RAB21: variants seen among roughly 807,000 people sequenced by gnomAD.
RAB21 encodes the protein RAB21, member RAS oncogene family.
RAB21 carries 13 observed loss-of-function variants against 33.1 expected under a neutral mutation model. The observed-to-expected ratio is 0.39, with a 90% CI of 0.26 to 0.62. The LOEUF (loss-of-function observed/expected upper bound fraction) is 0.62, where lower values mean the gene tolerates loss of function less well. Among genes scored for constraint, RAB21 ranks in the 20% least tolerant of loss-of-function variants. The pLI is 0.48. For synonymous variants in RAB21, 91 were observed against 103.7 expected (o/e 0.88, Z 0.74); for missense variants, 234 against 279.1 (o/e 0.84, Z 1.15).
Position 71,755,216 on chromosome 12 carries a change from C to A in RAB21, c.87C>A (p.Cys29Ter). 6.5e-7 allele frequency: 1 copy of A among 1,541,506 alleles called. No individual in the cohort carries two copies. The highest frequency in any genetic ancestry group is 8.7e-7 in the Non-Finnish European group (1 of 1,148,498). The change falls in exon 1 of 7, where the codon TGC (cysteine) becomes TGA (stop). Residue 29 changes from cysteine to a stop codon, truncating the protein, a stop_gained. Transcript: ENST00000261263. LOFTEE classifies it high-confidence loss of function. The part of the protein sequence containing the change: ...SFKVVLLGEG[C>*]VGKTSLVLRY... ...AGGTGGTGCTGCTGGGGGAAGGCTGCGTGGGGAAGACGTCGCTGGTGCTGC... is the reference window on the plus strand; with the variant it reads ...AGGTGGTGCTGCTGGGGGAAGGCTGAGTGGGGAAGACGTCGCTGGTGCTGC...
At chr12:71,771,632 C>T (rs1055982341) in intron 3 of RAB21, among the ~76,000 whole-genome samples, 5 of 152,114 alleles carry the variant, frequency 3.3e-5, no homozygotes, top group Admixed American at 6.5e-5. Context: ...TGTTTGTTAT[C>T]TCCCTCTCGC....
chr12:71,781,934 C>A, intron 4 of RAB21, 97 bp from the exon 5 acceptor site: 1 of 848,398 alleles, frequency 1.2e-6, no homozygotes, highest in Non-Finnish European at 1.9e-6. Context: ...ATTATTTTTG[C>A]TGGTAATTAA....
intron 6 of RAB21, among the ~76,000 whole-genome samples, chr12:71,784,891 A>G (rs1883260186): frequency 6.6e-6 from 1 of 151,902 alleles, no homozygotes; most frequent in South Asian, 2.1e-4. Flanking sequence ...CAGGAGTTTG[A>G]GACCAGCCTG....
At chr12:71,777,842 G>A (rs1331894035) in intron 4 of RAB21, among the ~76,000 whole-genome samples, 1 of 152,054 alleles carries the variant, frequency 6.6e-6, no homozygotes, top group Non-Finnish European at 1.5e-5. Flanking sequence ...TCCAAATGTT[G>A]TTGAGCTAGT....
rs994028000 is a variant in RAB21, at chr12:71,776,127, A to T, written c.391+2105A>T. Among the ~76,000 whole-genome samples, 16 of 152,194 alleles carry T rather than the reference A, an allele frequency of 1.1e-4. No homozygotes were observed. In the East Asian group the frequency reaches 3.1e-3, roughly 29 times the overall value. ...GGAGTGGAAGTGGCCACAGTAGATG[A>T]ATGACTGAAGATTTAATATTTTGGG... On this transcript the variant is annotated intron_variant, in intron 4 of 6. Transcript: ENST00000261263.
At chr12:71,776,162 A>G (rs1173350223) in intron 4 of RAB21, among the ~76,000 whole-genome samples, 1 of 152,222 alleles carries the variant, frequency 6.6e-6, no homozygotes, top group Non-Finnish European at 1.5e-5. Flanking sequence ...GATTCTGATC[A>G]TCTTTCTGAA....
Position 71,797,638 on chromosome 12 carries a change from A to AT in RAB21, c.*11965_*11966insT, listed in dbSNP as rs1164101998. ...GTTTCTTTGAGGAAAAAAAAAAAAA[A>AT]AAGCAAGACTAGCCAGGAAAACTGA... On this transcript the variant is annotated 3_prime_UTR_variant, in exon 7 of 7. Transcript: ENST00000261263. 7.9e-5 allele frequency: 12 copies of AT among 151,600 alleles called. No homozygotes were observed. Among genetic ancestry groups the AT allele is most frequent in the Non-Finnish European group, 1.3e-4 (9 of 67,882 alleles). The allele number at this position is 151,600 out of a possible 1,614,324, so 9.4% of individuals were successfully genotyped here. A position where few individuals can be genotyped will look rare whatever the true frequency, so the allele number is the denominator to read the frequency against.
chr12:71,765,300 G>C (rs747696743), intron 1 of RAB21, among the ~76,000 whole-genome samples: 3 of 151,870 alleles, frequency 2.0e-5, no homozygotes, highest in Admixed American at 6.6e-5. Flanking sequence ...TTTTTGATGG[G>C]GTTGTTTTTT....
chr12:71,790,451 AGTG>A lies in RAB21; in HGVS notation c.*4781_*4783del, dbSNP rs745975871. The A allele has an allele frequency of 4.6e-5, 7 of 152,060 alleles. No homozygotes were observed. The highest frequency in any genetic ancestry group is 4.1e-4 in the South Asian group (2 of 4,820). 9.4% of individuals were successfully genotyped at this position (152,060 alleles called of 1,614,324 possible). The stretch of plus-strand genomic sequence containing the variant: ...AGTATAATGTTGAAAAGTAGAAAGA[AGTG>A]GTATCTGCTAAACTCTAGCTTTAGT... On this transcript the variant is annotated 3_prime_UTR_variant, in exon 7 of 7. Transcript: ENST00000261263.
chr12:71,761,553 C>T (rs1882872018), intron 1 of RAB21, among the ~76,000 whole-genome samples: 1 of 151,982 alleles, frequency 6.6e-6, no homozygotes. Flanking sequence ...TGGTGGGTAC[C>T]TGTAATCCCA....
At chr12:71,776,742 A>G (rs1462538956) in intron 4 of RAB21, among the ~76,000 whole-genome samples, 3 of 151,956 alleles carry the variant, frequency 2.0e-5, no homozygotes, top group Non-Finnish European at 4.4e-5. Flanking sequence ...CTGAGAGCTT[A>G]TTTACTACTT....
In RAB21 at chr12:71,755,239, T is replaced by C; in HGVS notation, c.110T>C (p.Leu37Pro). Residue 37 changes from leucine to proline, a missense_variant, in exon 1 of 7, where the codon CTG (leucine) becomes CCG (proline). Leu to Pro is a moderately conservative substitution (Grantham distance 98, BLOSUM62 -3). Coordinates refer to ENST00000261263, the MANE Select transcript of RAB21 (RefSeq NM_014999.4). ...TGCGTGGGGAAGACGTCGCTGGTGC[T>C]GCGCTACTGCGAGAACAAGTTTAAC... ...EGCVGKTSLV[L>P]RYCENKFNDK... 1 of 1,547,070 alleles carries C rather than the reference T, an allele frequency of 6.5e-7. No homozygotes were observed. The highest frequency in any genetic ancestry group is 2.0e-5 in the Admixed American group (1 of 49,988).
chr12:71,770,007 TTGTATATTTG>T, intron 2 of RAB21, 148 bp downstream of exon 2: 1 of 420,550 alleles, frequency 2.4e-6, no homozygotes, highest in South Asian at 1.0e-4. Context: ...TGGAATATAA[TTGTATATTTG>T]AATATTGCTG....
intron 5 of RAB21, 177 bp from the exon 6 acceptor site, chr12:71,782,393 T>C: frequency 1.9e-6 from 1 of 524,814 alleles, no homozygotes; most frequent in Non-Finnish European, 3.3e-6. Flanking sequence ...AGGCTTGTTA[T>C]ATTTGTGTTA....
In RAB21 at chr12:71,774,374, G is replaced by A. The variant is rs1592647391; in HGVS notation, c.391+352G>A. ...CCAGCTACTTGGGAGGCTGAAGTGG[G>A]AGAATCACTTGAATCCGGGAGGCAG... is the stretch of plus-strand genomic sequence containing the variant. On this transcript the variant is annotated intron_variant, in intron 4 of 6. Transcript: ENST00000261263. The A allele has an allele frequency of 1.9e-5, 3 of 157,252 alleles. No individual in the cohort carries two copies. In the East Asian group the frequency reaches 5.5e-4, roughly 29 times the overall value. The allele number at this position is 157,252 out of a possible 1,614,324, so 9.7% of individuals were successfully genotyped here. A position where few individuals can be genotyped will look rare whatever the true frequency, so the allele number is the denominator to read the frequency against.
chr12:71,757,298 C>T (rs1212487364), intron 1 of RAB21, among the ~76,000 whole-genome samples: 1 of 152,062 alleles, frequency 6.6e-6, no homozygotes, highest in Non-Finnish European at 1.5e-5. Flanking sequence ...TTAGTAGAAA[C>T]GGGGTTTCAC....
At chr12:71,768,696 T>C (rs866306835) in intron 1 of RAB21, among the ~76,000 whole-genome samples, 3 of 152,200 alleles carry the variant, frequency 2.0e-5, no homozygotes, top group Non-Finnish European at 4.4e-5. Flanking sequence ...TGATTCTCCC[T>C]TGTCAGTAGT....
Position 71,792,421 on chromosome 12 carries a change from A to G in RAB21, c.*6748A>G, listed in dbSNP as rs1293187390. 2.0e-5 allele frequency: 3 copies of G among 152,128 alleles called. No homozygotes were observed. The highest frequency in any genetic ancestry group is 4.4e-5 in the Non-Finnish European group (3 of 68,026). 9.4% of individuals were successfully genotyped at this position (152,128 alleles called of 1,614,324 possible). A position where few individuals can be genotyped will look rare whatever the true frequency, so the allele number is the denominator to read the frequency against. ...TGGGTTGGGCTCATCCTCTTGGTGT[A>G]TTTTCCTACTTGGAGAGCATTACAG... On this transcript the variant is annotated 3_prime_UTR_variant, in exon 7 of 7. Transcript: ENST00000261263.
At chr12:71,781,566 C>G (rs1195625744) in intron 4 of RAB21, among the ~76,000 whole-genome samples, 2 of 151,962 alleles carry the variant, frequency 1.3e-5, no homozygotes, top group Non-Finnish European at 2.9e-5. Flanking sequence ...TTATATCATC[C>G]AGGAAACCAA....
Sources: allele counts gnomAD v4.1 joint callset (sites outside exome capture counted in the v4.1 genomes callset), GRCh38; gene constraint gnomAD v4.1.1; transcripts MANE v1.5; gene names NCBI Gene and HGNC (gene_info 2026-07-23, HGNC 2026-07-21).